Variants in PRKCQ observed in about 807,000 individuals in gnomAD.
The protein encoded by PRKCQ is protein kinase C theta type.
Under a neutral mutation model 91.2 loss-of-function variants are expected in PRKCQ, and 41 were observed. The observed-to-expected ratio is 0.45, with a 90% CI of 0.35 to 0.58. PRKCQ has a LOEUF of 0.58. Ranked by LOEUF, PRKCQ falls within the 20% of genes least tolerant of loss-of-function variation. PRKCQ has a pLI of 0.00. For synonymous variants in PRKCQ, 307 were observed against 316.9 expected (o/e 0.97, Z 0.33); for missense variants, 673 against 896.5 (o/e 0.75, Z 3.18).
At chr10:6,507,322 CCT>C in intron 4 of PRKCQ, 112 bp downstream of exon 4, 1 of 1,042,748 alleles carries the variant, frequency 9.6e-7, no homozygotes, top group South Asian at 1.3e-5. Context: ...CAATTTTGTG[CCT>C]CTCTTTTCTC....
At chr10:6,460,484 T>C (rs1028639063) in intron 14 of PRKCQ, among the ~76,000 whole-genome samples, 2 of 152,020 alleles carry the variant, frequency 1.3e-5, no homozygotes, top group African/African-American at 4.8e-5. Flanking sequence ...CTTCCCCTTT[T>C]TTTTTTTTAA....
chr10:6,538,190 T>G lies in PRKCQ; in HGVS notation c.-9-23046A>C, dbSNP rs79898046. On this transcript the variant is annotated intron_variant, in intron 1 of 17. Coordinates refer to ENST00000263125, the MANE Select transcript of PRKCQ (RefSeq NM_006257.5). The stretch of plus-strand genomic sequence containing the variant: ...GTACCTGCTCTAAGGTGAGGCCCAC[T>G]GTGCTAGTTCCAGTGGTCCAACTCC... Among the ~76,000 whole-genome samples the G allele has an allele frequency of 9.7e-3, 1,479 of 152,374 alleles. 18 individuals are homozygous for G. The highest frequency in any genetic ancestry group is 0.034 in the African/African-American group (1,398 of 41,584).
chr10:6,457,757 GA>G (rs1835090876), intron 14 of PRKCQ, among the ~76,000 whole-genome samples: 1 of 152,142 alleles, frequency 6.6e-6, no homozygotes, highest in Non-Finnish European at 1.5e-5. Context: ...TGCCACGGTG[GA>G]CTAAGATCCT....
At chr10:6,417,996 G>A in the PRKCQ span, among the ~76,000 whole-genome samples, 1 of 152,100 alleles carries the variant, frequency 6.6e-6, no homozygotes. Flanking sequence ...TCCCAGAGGC[G>A]CGCCTTCTTC....
intron 12 of PRKCQ, among the ~76,000 whole-genome samples, chr10:6,469,792 T>C (rs1835863492): frequency 6.6e-6 from 1 of 152,120 alleles, no homozygotes; most frequent in African/African-American, 2.4e-5. Context: ...TCTGTCATTA[T>C]AAGGAAAACA....
chr10:6,425,032 G>A (rs982746725), downstream of PRKCQ, among the ~76,000 whole-genome samples: 1 of 152,158 alleles, frequency 6.6e-6, no homozygotes, highest in Non-Finnish European at 1.5e-5. Flanking sequence ...GGTAAGCCAG[G>A]TGTGGCCCTG....
chr10:6,474,702 G>A (rs548911183), intron 12 of PRKCQ, among the ~76,000 whole-genome samples: 7 of 152,244 alleles, frequency 4.6e-5, no homozygotes, highest in Admixed American at 6.5e-5. Context: ...AAGTTTTATG[G>A]TTAATTATTT....
intron 1 of PRKCQ, among the ~76,000 whole-genome samples, chr10:6,575,725 T>G (rs1458461618): frequency 1.3e-5 from 2 of 152,148 alleles, no homozygotes. Context: ...CTTACACCAA[T>G]TAGAAAGGCT....
At chr10:6,539,592 T>C (rs573178277) in intron 1 of PRKCQ, among the ~76,000 whole-genome samples, 1 of 152,222 alleles carries the variant, frequency 6.6e-6, no homozygotes, top group African/African-American at 2.4e-5. Flanking sequence ...TGGTGAGTTG[T>C]AATTATTTCA....
At chr10:6,544,712 C>T (rs915130575) in intron 1 of PRKCQ, among the ~76,000 whole-genome samples, 6 of 151,938 alleles carry the variant, frequency 3.9e-5, no homozygotes, top group African/African-American at 1.2e-4. Context: ...CCTCCACCTC[C>T]TGGGTTTAAG....
At chr10:6,399,661 A>C in the PRKCQ span, among the ~76,000 whole-genome samples, 4 of 152,134 alleles carry the variant, frequency 2.6e-5, no homozygotes, top group East Asian at 7.7e-4. Context: ...GAATGGCTCA[A>C]AATGCTGAAA....
At chr10:6,474,073 G>A (rs1027780670) in intron 12 of PRKCQ, among the ~76,000 whole-genome samples, 6 of 152,176 alleles carry the variant, frequency 3.9e-5, no homozygotes, top group Admixed American at 1.3e-4. Context: ...AGCCATAACC[G>A]GAAGTAGAGC....
chr10:6,503,480 C>G (rs970563128), intron 4 of PRKCQ, among the ~76,000 whole-genome samples: 3 of 152,028 alleles, frequency 2.0e-5, no homozygotes, highest in Admixed American at 2.0e-4. Flanking sequence ...GATTCCTGCT[C>G]AAAAACCCAA....
intron 1 of PRKCQ, among the ~76,000 whole-genome samples, chr10:6,522,452 A>T (rs1393936420): frequency 6.6e-6 from 1 of 152,184 alleles, no homozygotes; most frequent in Non-Finnish European, 1.5e-5. Context: ...CTATTTAGCT[A>T]GGCTGATTCA....
intron 15 of PRKCQ, among the ~76,000 whole-genome samples, chr10:6,443,142 G>A (rs1465827510): frequency 1.3e-5 from 2 of 152,128 alleles, no homozygotes; most frequent in African/African-American, 4.8e-5. Context: ...TGGCAAAAAA[G>A]GCTTTGTATG....
rs78855257 is a variant in PRKCQ at position 6,464,322 on chromosome 10, G to C, written c.1436C>G (p.Ser479Cys). Residue 479 changes from serine to cysteine, a missense_variant, in exon 13 of 18, where the codon TCC becomes TGC. By Grantham distance (112) the Ser-to-Cys change is moderately radical. Transcript: ENST00000263125. ...HIQSCHKFDL[S>C]RATFYAAEII... is the part of the protein sequence containing the mutation. The stretch of plus-strand genomic sequence containing the variant: ...CTTTAAAGCCTCTTACGTCGCTCTG[G>C]AAAGGTCGAACTTGTGGCAGCTTTG... The C allele has an allele frequency of 1.3e-3, 2,168 of 1,613,750 alleles. 29 individuals carry two copies. The African/African-American group carries it at 0.026, about 19-fold the overall frequency.
chr10:6,419,197 C>G, the PRKCQ span, among the ~76,000 whole-genome samples: 14 of 148,580 alleles, frequency 9.4e-5, no homozygotes, highest in African/African-American at 3.7e-4. Context: ...CTCTCTATCT[C>G]TCTATTTGTC....
chr10:6,551,163 C>G (rs559355819), intron 1 of PRKCQ, among the ~76,000 whole-genome samples: 1 of 152,218 alleles, frequency 6.6e-6, no homozygotes, highest in African/African-American at 2.4e-5. Flanking sequence ...TCACCCTCCA[C>G]CCTCTGACAG....
chr10:6,485,996 C>A lies in PRKCQ; in HGVS notation c.900+39G>T, dbSNP rs7081343. 3,238 of 1,532,774 alleles carry A rather than the reference C, an allele frequency of 2.1e-3. 39 individuals are homozygous for A. The African/African-American group carries it at 0.032, about 15-fold the overall frequency. The allele number at this position is 1,532,774 out of a possible 1,614,324, so 94.9% of individuals were successfully genotyped here. ...GAAGTGCATGGACATCCTTGCTGAG[C>A]GGCCATGGCGGGAACGTGTCCACGG... On this transcript the variant is annotated intron_variant, in intron 9 of 17. Coordinates refer to ENST00000263125, the MANE Select transcript of PRKCQ (RefSeq NM_006257.5).
Sources: gnomAD v4.1 joint callset for allele counts (sites outside exome capture counted in the v4.1 genomes callset) on GRCh38, gnomAD v4.1.1 for gene constraint, MANE v1.5 for transcripts, NCBI Gene and HGNC (gene_info 2026-07-23, HGNC 2026-07-21) for gene names.